OSBPL10: variants seen among roughly 807,000 people sequenced by gnomAD.
OSBPL10 encodes oxysterol binding protein like 10.
OSBPL10 carries 49 observed loss-of-function variants against 81.7 expected under a neutral mutation model. The observed-to-expected ratio is 0.60, with a 90% CI of 0.48 to 0.76. OSBPL10 has a LOEUF of 0.76. OSBPL10 is among the 30% of genes least tolerant of loss of function. The pLI is 0.00. For missense variants in OSBPL10, 923 were observed against 987.8 expected (o/e 0.93, Z 0.88); for synonymous variants, 419 against 383.6 (o/e 1.09, Z -1.08).
intron 2 of OSBPL10, among the ~76,000 whole-genome samples, chr3:32,005,413 C>T (rs1017110583): frequency 2.0e-5 from 3 of 151,724 alleles, no homozygotes; most frequent in Admixed American, 1.3e-4. Context: ...TGGAGATTAA[C>T]GTAGCATCTG....
At chr3:32,057,569 TGCCAA>T (rs2125439071) in intron 1 of OSBPL10, among the ~76,000 whole-genome samples, 1 of 152,244 alleles carries the variant, frequency 6.6e-6, no homozygotes, top group South Asian at 2.1e-4. Flanking sequence ...CAGGAAGAAG[TGCCAA>T]GCGAAGTGGG....
chr3:31,890,559 G>A (rs920429172), intron 1 of OSBPL10, among the ~76,000 whole-genome samples: 1 of 152,030 alleles, frequency 6.6e-6, no homozygotes, highest in Non-Finnish European at 1.5e-5. Flanking sequence ...CTGCTTTGGA[G>A]ACCTCATAAA....
chr3:31,863,574 T>C (rs911707782), intron 3 of OSBPL10, among the ~76,000 whole-genome samples: 2 of 152,222 alleles, frequency 1.3e-5, no homozygotes, highest in Non-Finnish European at 2.9e-5. Flanking sequence ...TACAGGGTTG[T>C]TGTGAGAAAT....
intron 3 of OSBPL10, among the ~76,000 whole-genome samples, chr3:31,860,885 A>G (rs529212101): frequency 6.5e-5 from 7 of 108,150 alleles, no homozygotes; most frequent in Non-Finnish European, 1.5e-4. Context: ...TTTTTTTTGT[A>G]TTTTTAGTAG....
chr3:31,999,474 C>T (rs985726914), intron 2 of OSBPL10, among the ~76,000 whole-genome samples: 4 of 150,884 alleles, frequency 2.7e-5, no homozygotes, highest in Admixed American at 1.3e-4. Context: ...GATTCTTCTG[C>T]CTCAGCCTCC....
Position 31,833,705 on chromosome 3 carries a change from G to GCGCGCACA in OSBPL10, c.538-3475_538-3474insTGTGCGCG, listed in dbSNP as rs1553631714. Among the ~76,000 whole-genome samples, 13 of 138,038 alleles carry GCGCGCACA rather than the reference G, an allele frequency of 9.4e-5. No individual in the cohort carries two copies. In the South Asian group the frequency reaches 2.5e-3, roughly 27 times the overall value. The allele number at this position is 138,038 out of a possible 152,430, so 90.6% of individuals were successfully genotyped here. ...GTAGGGAAAACACGCACACGCACAC[G>GCGCGCACA]CACACACACACACACACACACACAC... On this transcript the variant is annotated intron_variant, in intron 3 of 11. Coordinates refer to ENST00000396556, the MANE Select transcript of OSBPL10 (RefSeq NM_017784.5).
chr3:31,719,214 A>G (rs1696554589), intron 6 of OSBPL10, among the ~76,000 whole-genome samples: 8 of 152,192 alleles, frequency 5.3e-5, no homozygotes, highest in Non-Finnish European at 1.5e-5. Context: ...AAGCTAAGGG[A>G]TCTTCATGAG....
intron 1 of OSBPL10, among the ~76,000 whole-genome samples, chr3:31,943,219 T>C (rs1448346490): frequency 2.0e-5 from 3 of 152,238 alleles, no homozygotes; most frequent in East Asian, 1.9e-4. Context: ...TAATATTCCA[T>C]TGTGCATATA....
At chr3:31,707,890 G>C (rs1434154066) in intron 6 of OSBPL10, among the ~76,000 whole-genome samples, 2 of 152,112 alleles carry the variant, frequency 1.3e-5, no homozygotes, top group Admixed American at 1.3e-4. Flanking sequence ...CAAATGAGAG[G>C]TTCTAGAAAA....
At chr3:32,056,270 TG>T (rs1419612294) in intron 1 of OSBPL10, among the ~76,000 whole-genome samples, 2 of 152,204 alleles carry the variant, frequency 1.3e-5, no homozygotes, top group Non-Finnish European at 2.9e-5. Context: ...GATTTCTGAC[TG>T]CAGCTCAGAA....
At chr3:31,966,103 T>G (rs1350938359) in intron 1 of OSBPL10, among the ~76,000 whole-genome samples, 2 of 147,156 alleles carry the variant, frequency 1.4e-5, no homozygotes, top group Admixed American at 1.4e-4. Context: ...GAGACCAGCC[T>G]GAACAACATA....
intron 4 of OSBPL10, among the ~76,000 whole-genome samples, chr3:31,782,201 C>A (rs1698713525): frequency 6.6e-6 from 1 of 152,106 alleles, no homozygotes; most frequent in Non-Finnish European, 1.5e-5. Flanking sequence ...ATATCCTATT[C>A]AACAAATGGT....
chr3:32,038,384 A>C (rs528967082), intron 2 of OSBPL10, among the ~76,000 whole-genome samples: 1 of 152,176 alleles, frequency 6.6e-6, no homozygotes, highest in Non-Finnish European at 1.5e-5. Context: ...GCAATGGTGC[A>C]ATATTGGCTC....
upstream of OSBPL10, among the ~76,000 whole-genome samples, chr3:31,984,851 A>G (rs12636645): frequency 0.11 from 16,350 of 152,292 alleles, 1,284 homozygotes; most frequent in East Asian, 0.47. Context: ...GGGAATGAAC[A>G]AGGACAGCTT....
At chr3:32,012,126 C>T (rs1397356714) in intron 2 of OSBPL10, among the ~76,000 whole-genome samples, 1 of 152,110 alleles carries the variant, frequency 6.6e-6, no homozygotes. Context: ...AGAGCAACTC[C>T]AAGACACATA....
At chr3:31,991,461 T>TC (rs1442497926) in intron 2 of OSBPL10, 2 of 164,496 alleles carry the variant, frequency 1.2e-5, no homozygotes, top group African/African-American at 4.8e-5. Flanking sequence ...GGTACAAACT[T>TC]CTCACCTTTT....
At chr3:31,932,971 G>A (rs934091989) in intron 1 of OSBPL10, among the ~76,000 whole-genome samples, 17 of 151,816 alleles carry the variant, frequency 1.1e-4, no homozygotes, top group Non-Finnish European at 2.1e-4. Context: ...TTTATATACT[G>A]CAATAAACTC....
At position 32,068,648 on chromosome 3, in the gene OSBPL10, T is replaced by C. The variant is rs147877748; in HGVS notation, n.185+8748A>G. Among the ~76,000 whole-genome samples the C allele has an allele frequency of 3.7e-3, 564 of 152,226 alleles. 8 individuals carry two copies. The highest frequency in any genetic ancestry group is 0.012 in the African/African-American group (508 of 41,536). ...TGGCCAGAAAACGGCACTTTTGATT[T>C]CTCCATCCTACGAGACCTAGATCAT... On this transcript the variant is annotated intron_variant and non_coding_transcript_variant, in intron 1 of 3. Transcript: ENST00000479173.
intron 1 of OSBPL10, among the ~76,000 whole-genome samples, chr3:31,939,602 C>T (rs1038321940): frequency 6.6e-6 from 1 of 152,082 alleles, no homozygotes; most frequent in African/African-American, 2.4e-5. Flanking sequence ...AGTGAAACTC[C>T]CCTAGCTACA....
Sources: allele counts gnomAD v4.1 joint callset (sites outside exome capture counted in the v4.1 genomes callset), GRCh38; gene constraint gnomAD v4.1.1; transcripts MANE v1.5; gene names NCBI Gene and HGNC (gene_info 2026-07-23, HGNC 2026-07-21).